OSBPL6: variants seen among roughly 807,000 people sequenced by gnomAD.
OSBPL6 encodes oxysterol-binding protein-related protein 6.
A neutral mutation model predicts 125.8 loss-of-function variants in OSBPL6; 49 were observed. The observed-to-expected ratio is 0.39, with a 90% CI of 0.31 to 0.49. OSBPL6 has a LOEUF of 0.49. Among genes scored for constraint, OSBPL6 ranks in the 20% least tolerant of loss-of-function variants. The probability of loss-of-function intolerance (pLI) is 0.88; values close to 1 mark genes in which losing one functional copy is unlikely to be tolerated. For synonymous variants in OSBPL6, 394 were observed against 391.8 expected, an observed-to-expected ratio of 1.01 and a Z score of -0.07; for missense variants, 986 against 1,135.4, an observed-to-expected ratio of 0.87 and a Z score of 1.89.
chr2:178,355,577 A>C (rs1327530837), intron 12 of OSBPL6, among the ~76,000 whole-genome samples: 1 of 152,238 alleles, frequency 6.6e-6, no homozygotes, highest in East Asian at 1.9e-4. Flanking sequence ...CCAGGCTCTG[A>C]AATTGAAGCA....
In OSBPL6 at chr2:178,361,800, A is replaced by G; in HGVS notation, c.1272A>G (p.Arg424=). ...ACAGCACGCAGATGGCACGGCTCCG[A>G]CAGTCACTGTCTCAGGTAGGCAAAG... ...KGHSTQMARL[R]QSLSQALNQN... is the part of the protein sequence containing the mutation. Residue 424 remains arginine (R), a synonymous_variant, in exon 13 of 25, where the codon CGA becomes CGG. Coordinates refer to ENST00000190611, the MANE Select transcript of OSBPL6 (RefSeq NM_032523.4). The G allele has an allele frequency of 1.9e-6, 3 of 1,614,104 alleles. No individual in the cohort carries two copies. Among genetic ancestry groups the G allele is most frequent in the Admixed American group, 1.7e-5 (1 of 60,010 alleles).
At position 178,308,857 on chromosome 2, in the gene OSBPL6, C is replaced by T. The variant is rs140566380; in HGVS notation, c.102+2571C>T. 3.0e-3 allele frequency among the ~76,000 whole-genome samples: 459 copies of T among 152,258 alleles called. 3 individuals carry two copies. Among genetic ancestry groups the T allele is most frequent in the Middle Eastern group, 0.01 (3 of 294 alleles). On this transcript the variant is annotated intron_variant, in intron 3 of 24. Coordinates refer to ENST00000190611, the MANE Select transcript of OSBPL6 (RefSeq NM_032523.4). ...CCTCTACCCAGGATCCTGCAGAGTG[C>T]GCTTGCCTCACTATCTCACTTATGG... is the stretch of plus-strand genomic sequence containing the variant.
At chr2:178,233,313 C>CA (rs1383652049) in intron 1 of OSBPL6, among the ~76,000 whole-genome samples, 2 of 152,174 alleles carry the variant, frequency 1.3e-5, no homozygotes, top group Admixed American at 1.3e-4. Context: ...AACCAACTTC[C>CA]AATGCTGAAT....
chr2:178,320,727 T>C (rs1275768234), intron 3 of OSBPL6, among the ~76,000 whole-genome samples: 1 of 152,246 alleles, frequency 6.6e-6, no homozygotes, highest in Admixed American at 6.5e-5. Flanking sequence ...TTAAATTTGA[T>C]GTGTTCCCTA....
At chr2:178,227,756 G>A (rs2090622550) in intron 1 of OSBPL6, among the ~76,000 whole-genome samples, 1 of 152,160 alleles carries the variant, frequency 6.6e-6, no homozygotes, top group Non-Finnish European at 1.5e-5. Flanking sequence ...ATAGTTTTTA[G>A]GAATAGATAT....
At chr2:178,322,810 TA>T (rs1385963085) in intron 3 of OSBPL6, among the ~76,000 whole-genome samples, 1 of 152,094 alleles carries the variant, frequency 6.6e-6, no homozygotes, top group African/African-American at 2.4e-5. Flanking sequence ...AAGCATTTTA[TA>T]TCTCTGTAAT....
In OSBPL6 at chr2:178,384,093, G is replaced by A; in HGVS notation, c.1930G>A (p.Gly644Arg). The change falls in exon 18 of 25, where the codon GGA (glycine) becomes AGA (arginine). Residue 644 changes from glycine (G) to arginine (R), a missense_variant. By Grantham distance (125) the Gly-to-Arg change is moderately radical. Around this residue, in one of 3 missense-constraint regions of OSBPL6, gnomAD observed 843 missense variants for 997.3 expected, o/e 0.85. Coordinates refer to ENST00000190611, the MANE Select transcript of OSBPL6 (RefSeq NM_032523.4). ...SGYCSTYFRA[G>R]SKPFNPVLGE... is the part of the protein sequence containing the mutation. ...ATACTGCTCCACCTATTTCAGAGCA[G>A]GAAGTAAGCCATTCAACCCAGTCCT... is the stretch of plus-strand genomic sequence containing the variant. 2 of 1,614,154 alleles carry A rather than the reference G, an allele frequency of 1.2e-6. No homozygotes were observed. The highest frequency in any genetic ancestry group is 2.7e-5 in the African/African-American group (2 of 75,032).
At chr2:178,266,983 G>C (rs2092250152) in intron 1 of OSBPL6, among the ~76,000 whole-genome samples, 1 of 152,222 alleles carries the variant, frequency 6.6e-6, no homozygotes, top group South Asian at 2.1e-4. Context: ...GGTGTCAGTG[G>C]GGTCTTGAGC....
At chr2:178,356,766 A>G (rs1691830854) in intron 12 of OSBPL6, among the ~76,000 whole-genome samples, 1 of 152,262 alleles carries the variant, frequency 6.6e-6, no homozygotes, top group African/African-American at 2.4e-5. Context: ...AACAAAAAAG[A>G]GCCTACATTG....
chr2:178,366,470 C>T (rs1208177786), intron 13 of OSBPL6, among the ~76,000 whole-genome samples: 2 of 151,964 alleles, frequency 1.3e-5, no homozygotes, highest in African/African-American at 2.4e-5. Flanking sequence ...TTTATTAAAT[C>T]AAGATGCCAT....
intron 1 of OSBPL6, among the ~76,000 whole-genome samples, chr2:178,244,320 TCTC>T (rs1045233414): frequency 2.4e-4 from 36 of 152,312 alleles, no homozygotes; most frequent in African/African-American, 8.4e-4. Context: ...TCTTATTTTT[TCTC>T]CTAATACCAT....
intron 3 of OSBPL6, among the ~76,000 whole-genome samples, chr2:178,317,924 G>A (rs1173057609): frequency 6.6e-6 from 1 of 152,046 alleles, no homozygotes; most frequent in Non-Finnish European, 1.5e-5. Context: ...ATATGCCCTG[G>A]TATTTGTCTA....
chr2:178,215,268 C>CA (rs1200228342), intron 1 of OSBPL6, among the ~76,000 whole-genome samples: 1 of 152,166 alleles, frequency 6.6e-6, no homozygotes, highest in Non-Finnish European at 1.5e-5. Flanking sequence ...CAAATAACCT[C>CA]ATTCCTCTGC....
At chr2:178,382,218 A>G (rs1299609298) in intron 15 of OSBPL6, among the ~76,000 whole-genome samples, 1 of 152,212 alleles carries the variant, frequency 6.6e-6, no homozygotes, top group Non-Finnish European at 1.5e-5. Flanking sequence ...ATAAGGAGCT[A>G]AAGACCAGGC....
chr2:178,393,909 A>G (rs1695623516), intron 23 of OSBPL6, among the ~76,000 whole-genome samples: 1 of 152,112 alleles, frequency 6.6e-6, no homozygotes, highest in Non-Finnish European at 1.5e-5. Flanking sequence ...CCTCCATTCT[A>G]TGGCCTTTTA....
intron 1 of OSBPL6, among the ~76,000 whole-genome samples, chr2:178,246,003 C>T (rs13425013): frequency 0.27 from 40,400 of 151,966 alleles, 5,859 homozygotes; most frequent in African/African-American, 0.38. Context: ...TAAAAGACCC[C>T]GGAAGCTGAC....
intron 1 of OSBPL6, 53 bp from the exon 2 acceptor site, chr2:178,284,874 C>T (rs1684554893): frequency 2.5e-6 from 1 of 394,492 alleles, no homozygotes; most frequent in Non-Finnish European, 4.5e-6. Flanking sequence ...CCGTGAGAGG[C>T]TCACGAAAGT....
rs1452410689 is a variant in OSBPL6, at chr2:178,401,316, T to G, written c.*5757T>G. 6.6e-6 allele frequency: 1 copy of G among 152,244 alleles called. No individual in the cohort carries two copies. Among genetic ancestry groups the G allele is most frequent in the Non-Finnish European group, 1.5e-5 (1 of 68,054 alleles). 9.4% of individuals were successfully genotyped at this position (152,244 alleles called of 1,614,324 possible). A position where few individuals can be genotyped will look rare whatever the true frequency, so the allele number is the denominator to read the frequency against. On this transcript the variant is annotated 3_prime_UTR_variant, in exon 25 of 25. Coordinates refer to ENST00000190611, the MANE Select transcript of OSBPL6 (RefSeq NM_032523.4). ...TGTCACAAACATTTGAAACACCCAG[T>G]GCTCAAGAATGCTGCTTTTCCAATT...
chr2:178,279,562 A>T (rs1342807399), intron 1 of OSBPL6, among the ~76,000 whole-genome samples: 1 of 152,190 alleles, frequency 6.6e-6, no homozygotes, highest in African/African-American at 2.4e-5. Context: ...ATCCTTTTTG[A>T]TCTACAGAGG....
Sources: allele counts gnomAD v4.1 joint callset (sites outside exome capture counted in the v4.1 genomes callset), GRCh38; gene constraint gnomAD v4.1.1; regional missense constraint gnomAD v4.1.1; transcripts MANE v1.5; gene names NCBI Gene and HGNC (gene_info 2026-07-23, HGNC 2026-07-21).